MPP7: variants seen among roughly 807,000 people sequenced by gnomAD.
The protein encoded by MPP7 is MAGUK p55 subfamily member 7.
MPP7 carries 60 observed loss-of-function variants against 76.5 expected under a neutral mutation model. The observed-to-expected ratio is 0.78, with a 90% CI of 0.64 to 0.97. The LOEUF (loss-of-function observed/expected upper bound fraction) is 0.97, where lower values mean the gene tolerates loss of function less well. MPP7 is among the 50% of genes least tolerant of loss of function. MPP7 has a pLI of 0.00. For missense variants in MPP7, 641 were observed against 694.0 expected, an observed-to-expected ratio of 0.92 and a Z score of 0.86; for synonymous variants, 237 against 244.5, an observed-to-expected ratio of 0.97 and a Z score of 0.29.
chr10:28,149,251 C>A (rs145840446), intron 4 of MPP7, among the ~76,000 whole-genome samples: 1 of 152,136 alleles, frequency 6.6e-6, no homozygotes, highest in Non-Finnish European at 1.5e-5. Flanking sequence ...AAATAAGCTA[C>A]GGGTTATCAC....
At chr10:28,303,119 G>T, upstream of MPP7, among the ~76,000 whole-genome samples, 1 of 150,264 alleles carries the variant, frequency 6.7e-6, no homozygotes, top group Admixed American at 6.6e-5. Flanking sequence ...GGGCGGGGCT[G>T]CACCGCCCGC....
intron 2 of MPP7, among the ~76,000 whole-genome samples, chr10:28,212,185 G>A (rs1218931801): frequency 1.3e-5 from 2 of 152,084 alleles, no homozygotes; most frequent in Non-Finnish European, 2.9e-5. Context: ...ATCGCAGGAA[G>A]CCGAGGGCCG....
chr10:28,154,733 A>T (rs1835993098), intron 3 of MPP7, among the ~76,000 whole-genome samples: 1 of 125,914 alleles, frequency 7.9e-6, no homozygotes, highest in African/African-American at 3.1e-5. Flanking sequence ...GGAAAATCTG[A>T]GTTAGTTGGG....
At chr10:28,264,498 C>A (rs1000732475) in intron 1 of MPP7, among the ~76,000 whole-genome samples, 1 of 151,854 alleles carries the variant, frequency 6.6e-6, no homozygotes, top group Admixed American at 6.6e-5. Context: ...TAAATTAGAC[C>A]GTCCTGGTGT....
intron 1 of MPP7, among the ~76,000 whole-genome samples, chr10:28,299,075 T>C (rs1399128369): frequency 1.3e-5 from 2 of 152,234 alleles, no homozygotes; most frequent in African/African-American, 4.8e-5. Flanking sequence ...TAAGGCTGTT[T>C]CACTTTCTTA....
chr10:28,334,276 T>G (rs1005584595), intron 1 of MPP7: 1 of 152,172 alleles, frequency 6.6e-6, no homozygotes, highest in Non-Finnish European at 1.5e-5. Context: ...GAAAAATTCC[T>G]AAAACAAAGT....
chr10:28,316,095 G>A (rs1020212947), intron 2 of MPP7, among the ~76,000 whole-genome samples: 1 of 152,082 alleles, frequency 6.6e-6, no homozygotes, highest in Non-Finnish European at 1.5e-5. Flanking sequence ...AATGTAATGT[G>A]GTACCCTGGA....
chr10:28,195,559 G>A (rs1401619804), intron 3 of MPP7, among the ~76,000 whole-genome samples: 1 of 152,156 alleles, frequency 6.6e-6, no homozygotes, highest in Admixed American at 6.5e-5. Context: ...GTCATAAAAA[G>A]GAATTAAGTA....
chr10:28,282,048 A>C (rs1320219003), intron 1 of MPP7: 1 of 152,010 alleles, frequency 6.6e-6, no homozygotes, highest in African/African-American at 2.4e-5. Context: ...GGCCTTGGAG[A>C]AGCTAAATTT....
chr10:28,287,948 G>A (rs1840826523), intron 1 of MPP7, among the ~76,000 whole-genome samples: 2 of 152,128 alleles, frequency 1.3e-5, no homozygotes, highest in South Asian at 2.1e-4. Context: ...GTTTGATGTA[G>A]CATCAAAGGG....
intron 5 of MPP7, among the ~76,000 whole-genome samples, chr10:28,137,549 T>A (rs1345345472): frequency 6.6e-6 from 1 of 152,248 alleles, no homozygotes; most frequent in Non-Finnish European, 1.5e-5. Flanking sequence ...TTTTTCTACT[T>A]AGCTTTGTTC....
At chr10:28,291,919 T>C (rs1398151100) in intron 1 of MPP7, among the ~76,000 whole-genome samples, 1 of 152,206 alleles carries the variant, frequency 6.6e-6, no homozygotes, top group Non-Finnish European at 1.5e-5. Context: ...ACGTCTACAG[T>C]AGTGAGTGTA....
intron 1 of MPP7, among the ~76,000 whole-genome samples, chr10:28,275,234 G>A (rs1475361776): frequency 6.6e-6 from 1 of 151,972 alleles, no homozygotes; most frequent in East Asian, 1.9e-4. Flanking sequence ...AAATGAACAT[G>A]TCTTTCCACT....
chr10:28,092,741 T>TTTTTA (rs1853377134), intron 11 of MPP7, among the ~76,000 whole-genome samples: 1 of 7,688 alleles, frequency 1.3e-4, no homozygotes, highest in South Asian at 0.011. Flanking sequence ...CCTGGCTCAA[T>TTTTTA]TTTTTTTTTT....
At chr10:28,284,682 C>CT (rs144409331) in intron 1 of MPP7, among the ~76,000 whole-genome samples, 1,643 of 152,306 alleles carry the variant, frequency 0.011, 21 homozygotes, top group African/African-American at 0.038. Flanking sequence ...GTAAATAGAA[C>CT]TTTTGTTTGC....
chr10:28,231,698 T>C (rs910614998), intron 2 of MPP7, among the ~76,000 whole-genome samples: 1 of 152,186 alleles, frequency 6.6e-6, no homozygotes, highest in Non-Finnish European at 1.5e-5. Context: ...AACAGAAAGC[T>C]AGAATATTCT....
At chr10:28,056,667 T>C (rs750611496) in intron 15 of MPP7, 44 bp from the exon 16 acceptor site, 2 of 1,485,470 alleles carry the variant, frequency 1.3e-6, no homozygotes, top group Non-Finnish European at 1.8e-6. Context: ...CTCCATAGCA[T>C]CATGAATTAC....
chr10:28,273,420 G>A (rs1329319786), intron 1 of MPP7, among the ~76,000 whole-genome samples: 1 of 152,198 alleles, frequency 6.6e-6, no homozygotes, highest in East Asian at 1.9e-4. Flanking sequence ...TCAGATCAAG[G>A]TGTTTTGTCA....
intron 2 of MPP7, among the ~76,000 whole-genome samples, chr10:28,219,892 C>T (rs971376381): frequency 6.6e-6 from 1 of 152,030 alleles, no homozygotes; most frequent in African/African-American, 2.4e-5. Flanking sequence ...TAACAGGCTG[C>T]AATTTTTCCC....
Sources: allele counts gnomAD v4.1 joint callset (sites outside exome capture counted in the v4.1 genomes callset), GRCh38; gene constraint gnomAD v4.1.1; transcripts MANE v1.5; gene names NCBI Gene and HGNC (gene_info 2026-07-23, HGNC 2026-07-21).